JADE2: variants seen among roughly 807,000 people sequenced by gnomAD.
JADE2 encodes E3 ubiquitin-protein ligase Jade-2.
A neutral mutation model predicts 85.7 loss-of-function variants in JADE2; 13 were observed. The ratio of observed to expected loss-of-function variants is 0.15; its 90% CI spans 0.10 to 0.24. The LOEUF (loss-of-function observed/expected upper bound fraction) is 0.24. Ranked by LOEUF, JADE2 falls within the 10% of genes least tolerant of loss-of-function variation. The pLI, the probability that JADE2 is intolerant of heterozygous loss-of-function variation, is 1.00. For synonymous variants in JADE2, 440 were observed against 456.1 expected, an observed-to-expected ratio of 0.96 and a Z score of 0.45; for missense variants, 846 against 1,115.9, an observed-to-expected ratio of 0.76 and a Z score of 3.45.
chr5:134,535,994 C>A lies in JADE2; in HGVS notation c.58+79C>A, dbSNP rs1379648809. The A allele has an allele frequency of 2.4e-6, 3 of 1,246,912 alleles. No homozygotes were observed. The African/African-American group carries it at 4.4e-5, about 18-fold the overall frequency. The allele number at this position is 1,246,912 out of a possible 1,614,324, so 77.2% of individuals were successfully genotyped here. A position where few individuals can be genotyped will look rare whatever the true frequency, so the allele number is the denominator to read the frequency against. On this transcript the variant is annotated intron_variant, in intron 2 of 11. Transcript: ENST00000681547. ...GCCCACAGGCCCAGATGGGAGGAGG[C>A]TGCCCTGTGGTCTTAATTTCACTAA...
intron 1 of JADE2, 119 bp from the exon 2 acceptor site, chr5:134,535,739 T>C (rs1761543519): frequency 2.4e-6 from 2 of 823,346 alleles, no homozygotes; most frequent in Admixed American, 2.0e-5. Context: ...GGACAGGGCT[T>C]TATTCTTATC....
chr5:134,567,598 G>A (rs1351787582), intron 9 of JADE2, among the ~76,000 whole-genome samples: 2 of 152,288 alleles, frequency 1.3e-5, no homozygotes, highest in East Asian at 3.9e-4. Context: ...CTGGGCAGGA[G>A]CATGCAGGGA....
chr5:134,524,040 G>A (rs1158929803), upstream of JADE2, among the ~76,000 whole-genome samples: 1 of 152,182 alleles, frequency 6.6e-6, no homozygotes, highest in South Asian at 2.1e-4. Context: ...AAAGCCAAAG[G>A]TGAGCTGAAA....
chr5:134,554,433 A>T (rs986250454), intron 4 of JADE2, among the ~76,000 whole-genome samples: 1 of 152,136 alleles, frequency 6.6e-6, no homozygotes, highest in Non-Finnish European at 1.5e-5. Flanking sequence ...GGCTTGGCCC[A>T]GCGGTCTGTC....
At position 134,582,348 on chromosome 5, in the gene JADE2, G is replaced by A. The variant is rs1000433416; in HGVS notation, c.*3031G>A. On this transcript the variant is annotated 3_prime_UTR_variant, in exon 12 of 12. Coordinates refer to ENST00000681547, the MANE Select transcript of JADE2 (RefSeq NM_001388185.1). ...AAGCCACCCCAGGTTTCCAGACATAGATGTTGAATTGTTTGTGGGGGGTGT... is the reference window on the plus strand; with the variant it reads ...AAGCCACCCCAGGTTTCCAGACATAAATGTTGAATTGTTTGTGGGGGGTGT... 1 of 152,232 alleles carries A rather than the reference G, an allele frequency of 6.6e-6. No individual in the cohort carries two copies. Among genetic ancestry groups the A allele is most frequent in the African/African-American group, 2.4e-5 (1 of 41,446 alleles). 9.4% of individuals were successfully genotyped at this position (152,232 alleles called of 1,614,324 possible).
At chr5:134,572,313 C>T (rs1370470725) in intron 9 of JADE2, among the ~76,000 whole-genome samples, 3 of 152,220 alleles carry the variant, frequency 2.0e-5, no homozygotes, top group Non-Finnish European at 1.5e-5. Context: ...TGGAAGGCCA[C>T]GGAGAGTCCA....
intron 9 of JADE2, among the ~76,000 whole-genome samples, chr5:134,567,028 T>C (rs573694322): frequency 6.6e-6 from 1 of 152,312 alleles, no homozygotes; most frequent in East Asian, 1.9e-4. Context: ...TAACCCATGC[T>C]GAAAGCCAGG....
At position 134,538,031 on chromosome 5, in the gene JADE2, C is replaced by T. The variant is rs745633673; in HGVS notation, c.101C>T (p.Pro34Leu). ...STSASRCSKL[P>L]SSTKSGWPRQ... ...TCCGCATCAAGATGCTCCAAACTGC[C>T]CAGCAGCACCAAGTCGGGCTGGCCC... Residue 34 changes from proline to leucine, a missense_variant, in exon 3 of 12, where the codon CCC (proline) becomes CTC (leucine). Physicochemically the swap from Pro to Leu is moderately conservative, Grantham distance 98. Coordinates refer to ENST00000681547, the MANE Select transcript of JADE2 (RefSeq NM_001388185.1). The T allele has an allele frequency of 3.1e-6, 5 of 1,614,028 alleles. No individual in the cohort carries two copies. The African/African-American group carries it at 6.7e-5, about 22-fold the overall frequency.
intron 1 of JADE2, chr5:134,533,523 C>G: frequency 1.0e-6 from 1 of 985,290 alleles, no homozygotes; most frequent in Non-Finnish European, 1.2e-6. Context: ...GATGCTGGCT[C>G]GGAAGTACCT....
At chr5:134,529,030 C>T (rs1761058264) in intron 1 of JADE2, among the ~76,000 whole-genome samples, 2 of 152,150 alleles carry the variant, frequency 1.3e-5, no homozygotes, top group South Asian at 2.1e-4. Flanking sequence ...CTGTATAGGC[C>T]CTGGACACTG....
chr5:134,549,629 C>A (rs1190888362), intron 3 of JADE2, among the ~76,000 whole-genome samples: 4 of 152,104 alleles, frequency 2.6e-5, no homozygotes, highest in Admixed American at 2.6e-4. Context: ...TGCACTCCAG[C>A]CTGGGCAACA....
intron 3 of JADE2, among the ~76,000 whole-genome samples, chr5:134,548,334 A>G (rs1050304748): frequency 1.3e-5 from 2 of 152,224 alleles, no homozygotes; most frequent in Non-Finnish European, 2.9e-5. Context: ...CACTTCCAGC[A>G]CGCACACCTT....
chr5:134,541,413 C>T (rs567803395), intron 3 of JADE2, among the ~76,000 whole-genome samples: 96 of 152,244 alleles, frequency 6.3e-4, no homozygotes, highest in Non-Finnish European at 1.1e-3. Context: ...ATCTCACGGA[C>T]TGCTCTCTTC....
chr5:134,553,822 G>A (rs1275448867), intron 4 of JADE2, among the ~76,000 whole-genome samples: 2 of 152,212 alleles, frequency 1.3e-5, no homozygotes, highest in African/African-American at 2.4e-5. Flanking sequence ...TACTCTTCTG[G>A]TCTCATGAGG....
At position 134,578,636 on chromosome 5, in the gene JADE2, G is replaced by A. The variant is rs556728042; in HGVS notation, c.1824G>A (p.Leu608=). ...ACCGCGAGGACCCTGCTCCAGGGCT[G>A]CTGTCAGAGGAACTGCTGCAGGACG... The part of the protein sequence containing the change: ...NGHREDPAPG[L]LSEELLQDEE... The change falls in exon 12 of 12, where the codon CTG becomes CTA. Residue 608 remains leucine, a synonymous_variant. Transcript: ENST00000681547. This position sits in a 1 kb window ranked among gnomAD's most constrained non-coding sequence, Gnocchi z 4.4. 4 of 1,614,040 alleles carry A rather than the reference G, an allele frequency of 2.5e-6. No individual in the cohort carries two copies. In the African/African-American group the frequency reaches 5.3e-5, roughly 22 times the overall value.
intron 3 of JADE2, among the ~76,000 whole-genome samples, chr5:134,550,627 A>AC (rs946335322): frequency 1.3e-5 from 2 of 152,196 alleles, no homozygotes; most frequent in African/African-American, 4.8e-5. Context: ...GAAAGTTGGT[A>AC]CCTGAGCAAG....
Position 134,578,910 on chromosome 5 carries a change from C to A in JADE2, c.2098C>A (p.Pro700Thr), listed in dbSNP as rs1402818023. Residue 700 changes from proline (P) to threonine (T), a missense_variant, in exon 12 of 12, where the codon CCG (proline) becomes ACG (threonine). Transcript: ENST00000681547. This position sits in a 1 kb window ranked among gnomAD's most constrained non-coding sequence, Gnocchi z 4.4. ...KPPRRTSSHLPSSPAAGDCPI... is the reference protein window; with the variant it reads ...KPPRRTSSHLTSSPAAGDCPI... Reference sequence around the variant, plus strand: ...ACCACGTCGGACATCTTCTCACTTGCCGTCCAGCCCTGCAGCCGGGGACTG... The same window carrying A: ...ACCACGTCGGACATCTTCTCACTTGACGTCCAGCCCTGCAGCCGGGGACTG... 1.2e-6 allele frequency: 2 copies of A among 1,613,890 alleles called. No individual in the cohort carries two copies. Among genetic ancestry groups the A allele is most frequent in the Non-Finnish European group, 8.5e-7 (1 of 1,180,020 alleles).
intron 11 of JADE2, among the ~76,000 whole-genome samples, chr5:134,577,943 C>T (rs556124937): frequency 9.9e-5 from 15 of 152,274 alleles, no homozygotes; most frequent in South Asian, 4.1e-4. Flanking sequence ...TGGGAGGCAA[C>T]GCTTATAAAG....
chr5:134,545,069 A>C (rs1762209372), intron 3 of JADE2, among the ~76,000 whole-genome samples: 4 of 152,250 alleles, frequency 2.6e-5, no homozygotes, highest in Admixed American at 2.0e-4. Flanking sequence ...AATTTGATAG[A>C]TAAAACAGGA....
Sources: gnomAD v4.1 joint callset for allele counts (sites outside exome capture counted in the v4.1 genomes callset) on GRCh38, gnomAD v4.1.1 for gene constraint, Gnocchi (gnomAD v3.1) non-coding constraint, MANE v1.5 for transcripts, NCBI Gene and HGNC (gene_info 2026-07-23, HGNC 2026-07-21) for gene names.